Variants in GRIA4 observed in about 807,000 individuals in gnomAD.
GRIA4 encodes the protein glutamate ionotropic receptor AMPA type subunit 4.
GRIA4 carries 34 observed loss-of-function variants against 104.0 expected under a neutral mutation model. The ratio of observed to expected loss-of-function variants is 0.33; its 90% confidence interval spans 0.25 to 0.44. GRIA4 has a LOEUF of 0.44. GRIA4 is among the 20% of genes least tolerant of loss of function. The pLI is 1.00. For missense variants in GRIA4, 750 were observed against 1,096.5 expected (o/e 0.68, Z 4.46); for synonymous variants, 386 against 381.9 (o/e 1.01, Z -0.13).
At chr11:105,666,810 C>G (rs1218685427) in intron 3 of GRIA4, among the ~76,000 whole-genome samples, 2 of 151,372 alleles carry the variant, frequency 1.3e-5, no homozygotes, top group Non-Finnish European at 3.0e-5. Flanking sequence ...CCTTTGTTTG[C>G]TTTTGCTTCT....
chr11:105,874,675 T>C (rs574644584), intron 5 of GRIA4, among the ~76,000 whole-genome samples: 2 of 152,166 alleles, frequency 1.3e-5, no homozygotes, highest in South Asian at 4.1e-4. Flanking sequence ...ATTCTCTTTG[T>C]AGCAATTGTG....
intron 3 of GRIA4, among the ~76,000 whole-genome samples, chr11:105,723,103 A>C (rs1268961292): frequency 1.3e-5 from 2 of 152,070 alleles, no homozygotes; most frequent in Non-Finnish European, 2.9e-5. Context: ...ACCGCTGGCT[A>C]AAAAGGAAAG....
chr11:105,966,253 A>G (rs17104807), intron 14 of GRIA4, among the ~76,000 whole-genome samples: 9,933 of 152,264 alleles, frequency 0.065, 444 homozygotes, highest in East Asian at 0.15. Context: ...ACACTAACAA[A>G]CCTAATGAAA....
At chr11:105,877,127 T>C (rs1945856967) in intron 5 of GRIA4, among the ~76,000 whole-genome samples, 1 of 152,318 alleles carries the variant, frequency 6.6e-6, no homozygotes, top group Admixed American at 6.5e-5. Context: ...TCTCAGCATT[T>C]GCTTGTCTGT....
intron 4 of GRIA4, chr11:105,824,857 A>C (rs955631312): frequency 2.0e-5 from 3 of 152,070 alleles, no homozygotes; most frequent in Non-Finnish European, 4.4e-5. Context: ...GCCTGGTATA[A>C]GATGGCAGAT....
At position 105,814,697 on chromosome 11, in the gene GRIA4, T is replaced by C. The variant is rs987931306; in HGVS notation, c.488-47327T>C. ...AAAGGGAAAAAAAGAATTGGCTACA[T>C]TTTTTAGCTTCAGACTCTTAAGAAC... is the stretch of plus-strand genomic sequence containing the variant. On this transcript the variant is annotated intron_variant, in intron 4 of 16. Coordinates refer to ENST00000282499, the MANE Select transcript of GRIA4 (RefSeq NM_000829.4). Among the ~76,000 whole-genome samples, 8 of 152,156 alleles carry C rather than the reference T, an allele frequency of 5.3e-5. No homozygotes were observed. The East Asian group carries it at 1.2e-3, about 22-fold the overall frequency.
intron 3 of GRIA4, among the ~76,000 whole-genome samples, chr11:105,635,746 A>G (rs2135330141): frequency 6.6e-6 from 1 of 152,340 alleles, no homozygotes; most frequent in South Asian, 2.1e-4. Context: ...AAATTGTGTT[A>G]GTAATTAAGG....
intron 3 of GRIA4, among the ~76,000 whole-genome samples, chr11:105,744,595 G>A (rs1169438327): frequency 6.6e-6 from 1 of 152,036 alleles, no homozygotes; most frequent in East Asian, 1.9e-4. Context: ...TTCAATTGGG[G>A]AAAAAATGTA....
intron 16 of GRIA4, among the ~76,000 whole-genome samples, chr11:105,975,775 T>G (rs1394419649): frequency 6.6e-6 from 1 of 152,120 alleles, no homozygotes; most frequent in Non-Finnish European, 1.5e-5. Context: ...TTATATTTAT[T>G]TATATGAAAG....
chr11:105,939,167 T>C (rs766495483), intron 14 of GRIA4, among the ~76,000 whole-genome samples: 5 of 152,210 alleles, frequency 3.3e-5, no homozygotes, highest in Non-Finnish European at 7.3e-5. Context: ...AAATGACTCC[T>C]GAGTGGGTTC....
intron 3 of GRIA4, among the ~76,000 whole-genome samples, chr11:105,670,020 C>G (rs1246774672): frequency 2.0e-5 from 3 of 152,028 alleles, no homozygotes; most frequent in Non-Finnish European, 4.4e-5. Context: ...TGTAGGCTGT[C>G]AAACCATCGC....
At chr11:105,656,210 T>A (rs1412187860) in intron 3 of GRIA4, among the ~76,000 whole-genome samples, 1 of 152,100 alleles carries the variant, frequency 6.6e-6, no homozygotes, top group East Asian at 1.9e-4. Context: ...TTTAAATTAT[T>A]TGTAGATTCT....
In GRIA4 at chr11:105,841,335, AT is replaced by A. The variant is rs534989731; in HGVS notation, c.488-20688del. Among the ~76,000 whole-genome samples the A allele has an allele frequency of 1.2e-4, 19 of 152,156 alleles. No individual in the cohort carries two copies. The East Asian group carries it at 3.5e-3, about 28-fold the overall frequency. On this transcript the variant is annotated intron_variant, in intron 4 of 16. Transcript: ENST00000282499. Reference sequence around the variant, plus strand: ...CTTAAATGTTTAGTTTTGATATTTGATGACAAAATTAAGACACAAGCGCTGT... The same window carrying A: ...CTTAAATGTTTAGTTTTGATATTTGAGACAAAATTAAGACACAAGCGCTGT...
rs775084017 is a variant in GRIA4 at position 105,753,066 on chromosome 11, C to T, written c.333C>T (p.Ser111=). 1.6e-5 allele frequency: 26 copies of T among 1,613,586 alleles called. No homozygotes were observed. Among genetic ancestry groups the T allele is most frequent in the Middle Eastern group, 1.6e-4 (1 of 6,080 alleles). ...RSVHTLTSFC[S]ALHISLITPS... ...TACATACCTTGACCTCATTCTGCAG[C>T]GCCTTACATATCTCCCTCATCACAC... is the stretch of plus-strand genomic sequence containing the variant. Residue 111 remains serine, a synonymous_variant, in exon 4 of 17, where the codon AGC becomes AGT. Coordinates refer to ENST00000282499, the MANE Select transcript of GRIA4 (RefSeq NM_000829.4).
chr11:105,632,256 C>T (rs1433770854), intron 3 of GRIA4, among the ~76,000 whole-genome samples: 2 of 152,158 alleles, frequency 1.3e-5, no homozygotes, highest in East Asian at 3.8e-4. Context: ...TAATTTCTTA[C>T]TGTTTTGGGT....
chr11:105,706,918 A>G (rs2135537755), intron 3 of GRIA4: 1 of 152,402 alleles, frequency 6.6e-6, no homozygotes, highest in South Asian at 2.1e-4. Context: ...CTATTTTCCC[A>G]TGCTTTATAT....
intron 3 of GRIA4, among the ~76,000 whole-genome samples, chr11:105,638,711 C>T (rs1337982498): frequency 6.6e-6 from 1 of 152,030 alleles, no homozygotes; most frequent in East Asian, 1.9e-4. Flanking sequence ...TAGTTTTTTA[C>T]AATTTTGCCT....
At chr11:105,732,949 C>T (rs1210087666) in intron 3 of GRIA4, among the ~76,000 whole-genome samples, 2 of 152,186 alleles carry the variant, frequency 1.3e-5, no homozygotes, top group Non-Finnish European at 2.9e-5. Flanking sequence ...ACATTCCTTT[C>T]ACATTTATTA....
chr11:105,930,282 G>A (rs12574754), intron 13 of GRIA4, among the ~76,000 whole-genome samples: 13,588 of 152,078 alleles, frequency 0.089, 794 homozygotes, highest in Admixed American at 0.18. Context: ...ATTGTCCTGT[G>A]TATATGATCT....
Sources: gnomAD v4.1 joint callset for allele counts (sites outside exome capture counted in the v4.1 genomes callset) on GRCh38, gnomAD v4.1.1 for gene constraint, MANE v1.5 for transcripts, NCBI Gene and HGNC (gene_info 2026-07-23, HGNC 2026-07-21) for gene names.